The following SV2B variants were observed in gnomAD, a reference collection of about 807,000 sequenced individuals.
SV2B encodes synaptic vesicle glycoprotein 2B.
SV2B carries 41 observed loss-of-function variants against 73.9 expected under a neutral mutation model. The observed-to-expected ratio is 0.56, with a 90% CI of 0.43 to 0.72. SV2B has a LOEUF of 0.72. Ranked by LOEUF, SV2B falls within the 30% of genes least tolerant of loss-of-function variation. SV2B has a pLI of 0.00. For missense variants in SV2B, 764 were observed against 857.8 expected, an observed-to-expected ratio of 0.89 and a Z score of 1.37; for synonymous variants, 314 against 314.2, an observed-to-expected ratio of 1.00 and a Z score of 0.01.
At chr15:91,162,687 G>C (rs2043764675) in intron 1 of SV2B, among the ~76,000 whole-genome samples, 1 of 152,200 alleles carries the variant, frequency 6.6e-6, no homozygotes, top group South Asian at 2.1e-4. Context: ...CATTCTTCTT[G>C]TTGGCAGAAT....
chr15:91,225,589 T>C (rs938739132), intron 1 of SV2B, among the ~76,000 whole-genome samples: 2 of 152,168 alleles, frequency 1.3e-5, no homozygotes, highest in Admixed American at 1.3e-4. Flanking sequence ...AACGTGCAGG[T>C]TCGTTACATA....
rs1158311174 is a variant in SV2B, at chr15:91,261,494, G to T, written c.1008+1085G>T. On this transcript the variant is annotated intron_variant, in intron 6 of 12. Coordinates refer to ENST00000394232, the MANE Select transcript of SV2B (RefSeq NM_001323032.3). This position sits in a 1 kb window ranked among gnomAD's most constrained non-coding sequence, Gnocchi z 4.7. ...TATCCAGTTTTACTACCTTGTTCCT[G>T]TAAATATTAGTGCAATGAACCTTCT... Among the ~76,000 whole-genome samples the T allele has an allele frequency of 3.3e-5, 5 of 152,070 alleles. No individual in the cohort carries two copies. Among genetic ancestry groups the T allele is most frequent in the Admixed American group, 3.3e-4 (5 of 15,266 alleles).
In SV2B at chr15:91,268,609, AGT is replaced by A; in HGVS notation, c.1373+6_1373+7del. Reference sequence around the variant, plus strand: ...ATGGGAAACTTGTGAATGATAAGTAAGTGAGTGATCACGGGCTTCCCTCACAT... The same window carrying A: ...ATGGGAAACTTGTGAATGATAAGTAAGAGTGATCACGGGCTTCCCTCACAT... On this transcript the variant is annotated splice_donor_5th_base_variant and intron_variant, in intron 9 of 12. Coordinates refer to ENST00000394232, the MANE Select transcript of SV2B (RefSeq NM_001323032.3). This position sits in a 1 kb window ranked among gnomAD's most constrained non-coding sequence, Gnocchi z 4.4. 6.2e-7 allele frequency: 1 copy of A among 1,609,088 alleles called. No individual in the cohort carries two copies. The highest frequency in any genetic ancestry group is 8.5e-7 in the Non-Finnish European group (1 of 1,175,766).
chr15:91,223,675 C>T lies in SV2B; in HGVS notation c.-391-2198C>T, dbSNP rs139242070. 3.7e-4 allele frequency among the ~76,000 whole-genome samples: 56 copies of T among 152,268 alleles called. No homozygotes were observed. In the East Asian group the frequency reaches 7.1e-3, roughly 19 times the overall value. ...TGCTGTTTACATGTGACTTATATTCCGCCGGTGGTCCCTAAATAGATGTAA... is the reference window on the plus strand; with the variant it reads ...TGCTGTTTACATGTGACTTATATTCTGCCGGTGGTCCCTAAATAGATGTAA... On this transcript the variant is annotated intron_variant, in intron 1 of 12. Transcript: ENST00000394232. This position sits in a 1 kb window ranked among gnomAD's most constrained non-coding sequence, Gnocchi z 4.6.
chr15:91,263,231 G>C (rs1401121743), intron 6 of SV2B, among the ~76,000 whole-genome samples: 2 of 147,100 alleles, frequency 1.4e-5, no homozygotes, highest in African/African-American at 5.1e-5. Flanking sequence ...CAGACACACA[G>C]ACAGAGACAA....
In SV2B at chr15:91,294,107, T is replaced by C. The variant is rs2049138535; in HGVS notation, c.*1555T>C. ...AGCCTGCAAGAACTAGTTGTTTGAG[T>C]TGATTTGCAGTGCTCTCAATGGGCA... On this transcript the variant is annotated 3_prime_UTR_variant, in exon 13 of 13. Coordinates refer to ENST00000394232, the MANE Select transcript of SV2B (RefSeq NM_001323032.3). This position sits in a 1 kb window ranked among gnomAD's most constrained non-coding sequence, Gnocchi z 4.1. 6.6e-6 allele frequency: 1 copy of C among 152,204 alleles called. No homozygotes were observed. The highest frequency in any genetic ancestry group is 1.5e-5 in the Non-Finnish European group (1 of 68,040). The allele number at this position is 152,204 out of a possible 1,614,324, so 9.4% of individuals were successfully genotyped here.
intron 1 of SV2B, among the ~76,000 whole-genome samples, chr15:91,192,434 G>A (rs1231342553): frequency 6.6e-6 from 1 of 152,154 alleles, no homozygotes; most frequent in African/African-American, 2.4e-5. Flanking sequence ...TCTGTCCTGA[G>A]GTCTGAGGTC....
At position 91,296,155 on chromosome 15, in the gene SV2B, G is replaced by T. The variant is rs1439498287; in HGVS notation, c.*3603G>T. The T allele has an allele frequency of 6.6e-6, 1 of 152,060 alleles. No homozygotes were observed. Among genetic ancestry groups the T allele is most frequent in the East Asian group, 1.9e-4 (1 of 5,196 alleles). The allele number at this position is 152,060 out of a possible 1,614,324, so 9.4% of individuals were successfully genotyped here. On this transcript the variant is annotated 3_prime_UTR_variant, in exon 13 of 13. Transcript: ENST00000394232. ...TTTACCTAATCAGTTTTACAGAAAG[G>T]GTTACATGGAAGAAGAGATAGGGGC...
intron 1 of SV2B, among the ~76,000 whole-genome samples, chr15:91,133,710 G>C (rs1457051435): frequency 6.6e-6 from 1 of 152,168 alleles, no homozygotes; most frequent in Non-Finnish European, 1.5e-5. Context: ...CCAGGCAGCA[G>C]GGTCACTGGA....
rs992708824 is a variant in SV2B, at chr15:91,106,280, G to A, written c.-392+5917G>A. 6.6e-6 allele frequency among the ~76,000 whole-genome samples: 1 copy of A among 152,194 alleles called. No individual in the cohort carries two copies. The highest frequency in any genetic ancestry group is 2.4e-5 in the African/African-American group (1 of 41,446). On this transcript the variant is annotated intron_variant, in intron 1 of 12. Coordinates refer to ENST00000394232, the MANE Select transcript of SV2B (RefSeq NM_001323032.3). The surrounding 1 kb of genome is among the most constrained non-coding windows in gnomAD (Gnocchi z 4.4). ...AGTTCATTGCATATGAGAGTCTAGAGTTCAGGGAAGAGTTTCAGGAAGGAG... is the reference window on the plus strand; with the variant it reads ...AGTTCATTGCATATGAGAGTCTAGAATTCAGGGAAGAGTTTCAGGAAGGAG...
chr15:91,245,798 G>T lies in SV2B; in HGVS notation c.452-6021G>T, dbSNP rs974002375. On this transcript the variant is annotated intron_variant, in intron 2 of 12. Transcript: ENST00000394232. The surrounding 1 kb of genome is among the most constrained non-coding windows in gnomAD (Gnocchi z 4.2). The stretch of plus-strand genomic sequence containing the variant: ...ATGCTGCCAAAAGACTATCAGGGAC[G>T]ACTGAAATTTGGAACAGGAACCAAC... 2.0e-5 allele frequency among the ~76,000 whole-genome samples: 3 copies of T among 152,008 alleles called. No individual in the cohort carries two copies. The highest frequency in any genetic ancestry group is 7.2e-5 in the African/African-American group (3 of 41,406).
rs2047793451 is a variant in SV2B at position 91,258,694 on chromosome 15, T to A, written c.918+140T>A. On this transcript the variant is annotated intron_variant, in intron 5 of 12. Coordinates refer to ENST00000394232, the MANE Select transcript of SV2B (RefSeq NM_001323032.3). The surrounding 1 kb of genome is among the most constrained non-coding windows in gnomAD (Gnocchi z 4.7). ...CTCTCCCCTGGTCGGCTGACCTCAC[T>A]CATCATTGAATCTGGCACCTGCCGG... 1.5e-5 allele frequency: 19 copies of A among 1,256,230 alleles called. No individual in the cohort carries two copies. Among genetic ancestry groups the A allele is most frequent in the Middle Eastern group, 2.8e-4 (1 of 3,594 alleles). The allele number at this position is 1,256,230 out of a possible 1,614,324, so 77.8% of individuals were successfully genotyped here. A position where few individuals can be genotyped will look rare whatever the true frequency, so the allele number is the denominator to read the frequency against.
rs111517294 is a variant in SV2B, at chr15:91,296,913, T to C, written c.*4361T>C. ...TCCTTCTGCCCGATCGTTGGGCGCA[T>C]GCTCCTTCTGCCCGATCGTTGGGAG... On this transcript the variant is annotated 3_prime_UTR_variant, in exon 13 of 13. Coordinates refer to ENST00000394232, the MANE Select transcript of SV2B (RefSeq NM_001323032.3). The C allele has an allele frequency of 0.052, 4,176 of 80,856 alleles. 348 individuals carry two copies. Among genetic ancestry groups the C allele is most frequent in the African/African-American group, 0.18 (3,610 of 20,528 alleles). The allele number at this position is 80,856 out of a possible 1,614,324, so 5.0% of individuals were successfully genotyped here.
Position 91,105,214 on chromosome 15 carries a change from A to G in SV2B, c.-392+4851A>G, listed in dbSNP as rs975243611. Among the ~76,000 whole-genome samples the G allele has an allele frequency of 2.0e-5, 3 of 152,214 alleles. No homozygotes were observed. Among genetic ancestry groups the G allele is most frequent in the Non-Finnish European group, 2.9e-5 (2 of 68,034 alleles). On this transcript the variant is annotated intron_variant, in intron 1 of 12. Coordinates refer to ENST00000394232, the MANE Select transcript of SV2B (RefSeq NM_001323032.3). This position sits in a 1 kb window ranked among gnomAD's most constrained non-coding sequence, Gnocchi z 5.5. The stretch of plus-strand genomic sequence containing the variant: ...TATGTAAGTAAATAATGTATGTTTT[A>G]TATCAGGTGATTAAGGAATGTTGAG...
chr15:91,179,007 C>A (rs890958512), intron 1 of SV2B, among the ~76,000 whole-genome samples: 1 of 151,730 alleles, frequency 6.6e-6, no homozygotes, highest in East Asian at 1.9e-4. Flanking sequence ...TTGGATCTTT[C>A]CTGCTTTCTC....
intron 1 of SV2B, among the ~76,000 whole-genome samples, chr15:91,207,552 G>A (rs2045689845): frequency 6.6e-6 from 1 of 152,144 alleles, no homozygotes; most frequent in Non-Finnish European, 1.5e-5. Flanking sequence ...CACCAAGTCT[G>A]TTTGGTCAGC....
At chr15:91,185,239 CA>C (rs1243571965) in intron 1 of SV2B, among the ~76,000 whole-genome samples, 1 of 152,122 alleles carries the variant, frequency 6.6e-6, no homozygotes, top group Non-Finnish European at 1.5e-5. Context: ...CCAGCTAATC[CA>C]ATTAAAGGAT....
intron 9 of SV2B, among the ~76,000 whole-genome samples, chr15:91,274,857 C>T (rs575088576): frequency 1.3e-4 from 20 of 152,150 alleles, no homozygotes; most frequent in East Asian, 1.2e-3. Flanking sequence ...TTATATGTTA[C>T]GGGTGAATTG....
intron 1 of SV2B, among the ~76,000 whole-genome samples, chr15:91,158,680 T>TTCCCTTCCCTTCCCTTCCCTTCC (rs2043584933): frequency 1.6e-5 from 1 of 61,170 alleles, no homozygotes; most frequent in African/African-American, 6.6e-5. Context: ...TCTTCTCTTC[T>TTCCCTTCCCTTCCCTTCCCTTCC]CTTCTCTTCT....
Sources: allele counts gnomAD v4.1 joint callset (sites outside exome capture counted in the v4.1 genomes callset), GRCh38; gene constraint gnomAD v4.1.1; non-coding constraint Gnocchi (gnomAD v3.1); transcripts MANE v1.5; gene names NCBI Gene and HGNC (gene_info 2026-07-23, HGNC 2026-07-21).